Variants in CAPNS1 observed in about 807,000 individuals in gnomAD.
CAPNS1 encodes the protein calpain small subunit 1.
Under a neutral mutation model 39.2 loss-of-function variants are expected in CAPNS1, and 32 were observed. The observed-to-expected ratio is 0.82, with a 90% CI of 0.62 to 1.10. The LOEUF (loss-of-function observed/expected upper bound fraction) is 1.10. CAPNS1 is among the 50% of genes least tolerant of loss of function. CAPNS1 has a pLI of 0.00. For synonymous variants in CAPNS1, 153 were observed against 136.2 expected (o/e 1.12, Z -0.86); for missense variants, 353 against 373.1 (o/e 0.95, Z 0.44).
At chr19:36,146,990 A>G (rs1974591385) in intron 9 of CAPNS1, among the ~76,000 whole-genome samples, 1 of 152,094 alleles carries the variant, frequency 6.6e-6, no homozygotes, top group Admixed American at 6.5e-5. Flanking sequence ...GAGTACAGGC[A>G]CACACCGCCA....
At chr19:36,140,732 C>G (rs1309689209) in intron 1 of CAPNS1, 1 of 407,246 alleles carries the variant, frequency 2.5e-6, no homozygotes, top group Admixed American at 4.6e-5. Context: ...CAAGAGAACC[C>G]CCACCAGATC....
At position 36,140,989 on chromosome 19, in the gene CAPNS1, C is replaced by A. The variant is rs1488027799; in HGVS notation, c.-15-8C>A. 5 of 1,598,056 alleles carry A rather than the reference C, an allele frequency of 3.1e-6. No homozygotes were observed. Among genetic ancestry groups the A allele is most frequent in the Non-Finnish European group, 4.3e-6 (5 of 1,172,898 alleles). ...GAAGCACCCACTGGTCCCCTTTTTT[C>A]CCCCCAGCAGTGAGTCGCAGCCATG... On this transcript the variant is annotated splice_region_variant and splice_polypyrimidine_tract_variant and intron_variant, in intron 1 of 10. Transcript: ENST00000246533.
At chr19:36,141,251 C>A in intron 2 of CAPNS1, 31 bp downstream of exon 2, 1 of 1,506,732 alleles carries the variant, frequency 6.6e-7, no homozygotes, top group Non-Finnish European at 8.8e-7. Context: ...GGGGCGGGGC[C>A]TGGGAATGGG....
rs1286977890 is a variant in CAPNS1 at position 36,150,158 on chromosome 19, G to C, written c.*319G>C. 3.5e-6 allele frequency: 1 copy of C among 282,080 alleles called. No homozygotes were observed. Among genetic ancestry groups the C allele is most frequent in the South Asian group, 1.6e-4 (1 of 6,438 alleles). 17.5% of individuals were successfully genotyped at this position (282,080 alleles called of 1,614,324 possible). On this transcript the variant is annotated 3_prime_UTR_variant, in exon 11 of 11. Coordinates refer to ENST00000246533, the MANE Select transcript of CAPNS1 (RefSeq NM_001749.4). ...AGCCTAGCACTTGTGATGCCTCCAT[G>C]CCCCGAGGGCCCTCTCTCAGTTCTG...
rs201727609 is a variant in CAPNS1, at chr19:36,142,265, C to G, written c.210-35C>G. ...AGTGCTGCCCGTTGGAGGCCCCGCCCCTGGCACTAACCCCTCCCCCTTATC... is the reference window on the plus strand; with the variant it reads ...AGTGCTGCCCGTTGGAGGCCCCGCCGCTGGCACTAACCCCTCCCCCTTATC... On this transcript the variant is annotated intron_variant, in intron 2 of 10. Coordinates refer to ENST00000246533, the MANE Select transcript of CAPNS1 (RefSeq NM_001749.4). The G allele has an allele frequency of 3.3e-6, 5 of 1,534,412 alleles. No homozygotes were observed. The East Asian group carries it at 1.1e-4, about 35-fold the overall frequency.
At chr19:36,143,186 A>G in intron 6 of CAPNS1, 58 bp downstream of exon 6, 1 of 1,495,266 alleles carries the variant, frequency 6.7e-7, no homozygotes, top group Non-Finnish European at 9.3e-7. Flanking sequence ...TTTTGAGAGT[A>G]TGTTTGGGAA....
At chr19:36,143,201 A>C in intron 6 of CAPNS1, 73 bp downstream of exon 6, 1 of 1,308,112 alleles carries the variant, frequency 7.6e-7, no homozygotes, top group Non-Finnish European at 1.1e-6. Flanking sequence ...TGGGAAGCCA[A>C]CATGTAGCTT....
At chr19:36,145,913 C>T (rs1974546795) in intron 7 of CAPNS1, 39 bp downstream of exon 7, 4 of 1,612,740 alleles carry the variant, frequency 2.5e-6, no homozygotes, top group Non-Finnish European at 3.4e-6. Flanking sequence ...ACCCAGACCC[C>T]CAAGCCATGG....
At chr19:36,140,805 A>T in intron 1 of CAPNS1, 192 bp from the exon 2 acceptor site, 1 of 678,944 alleles carries the variant, frequency 1.5e-6, no homozygotes, top group Non-Finnish European at 2.3e-6. Flanking sequence ...GGTGCCTTTT[A>T]GACCTGAGGA....
At chr19:36,142,851 A>T in intron 4 of CAPNS1, 58 bp from the exon 5 acceptor site, 1 of 1,601,360 alleles carries the variant, frequency 6.2e-7, no homozygotes, top group Non-Finnish European at 8.6e-7. Flanking sequence ...CCCATTCTCC[A>T]TGACATTCTC....
Position 36,141,005 on chromosome 19 carries a change from C to G in CAPNS1, c.-7C>G. The G allele has an allele frequency of 6.3e-7, 1 of 1,591,306 alleles. No homozygotes were observed. Among genetic ancestry groups the G allele is most frequent in the South Asian group, 1.1e-5 (1 of 90,290 alleles). On this transcript the variant is annotated 5_prime_UTR_variant, in exon 2 of 11. Transcript: ENST00000246533. ...CCCTTTTTTCCCCCCAGCAGTGAGT[C>G]GCAGCCATGTTCCTGGTTAACTCGT...
chr19:36,143,542 C>T (rs895262474), intron 6 of CAPNS1, among the ~76,000 whole-genome samples: 4 of 152,034 alleles, frequency 2.6e-5, no homozygotes, highest in African/African-American at 9.7e-5. Context: ...GCCTGGCCAA[C>T]ATGGTGAAAC....
chr19:36,140,832 C>A, intron 1 of CAPNS1, 165 bp from the exon 2 acceptor site: 2 of 1,013,798 alleles, frequency 2.0e-6, no homozygotes, highest in Non-Finnish European at 2.8e-6. Flanking sequence ...AAACCTGATC[C>A]CCCATACCTG....
chr19:36,146,142 G>A, intron 8 of CAPNS1, 54 bp from the exon 9 acceptor site: 1 of 1,577,518 alleles, frequency 6.3e-7, no homozygotes, highest in Non-Finnish European at 8.7e-7. Flanking sequence ...TCCTGGGCAT[G>A]GGAGTGGGTT....
Position 36,141,062 on chromosome 19 carries a change from A to AGGCGGGGGCCTG in CAPNS1, c.54_65dup (p.Gly23_Gly26dup). On this transcript the variant is annotated inframe_insertion, in exon 2 of 11. Transcript: ENST00000246533. ...AGGGCGGCGGCGGCGGCGGCGGGGG[A>AGGCGGGGGCCTG]GGCGGGGGCCTGGGTGGGGGCCTGG... The AGGCGGGGGCCTG allele has an allele frequency of 1.4e-6, 1 of 715,404 alleles. No homozygotes were observed. Among genetic ancestry groups the AGGCGGGGGCCTG allele is most frequent in the South Asian group, 1.7e-5 (1 of 59,348 alleles). 44.3% of individuals were successfully genotyped at this position (715,404 alleles called of 1,614,324 possible).
intron 9 of CAPNS1, among the ~76,000 whole-genome samples, chr19:36,146,997 G>A (rs191470577): frequency 1.6e-4 from 25 of 152,118 alleles, no homozygotes; most frequent in East Asian, 9.6e-4. Context: ...GGCACACACC[G>A]CCATGCCTGG....
intron 6 of CAPNS1, 55 bp downstream of exon 6, chr19:36,143,183 A>G (rs1336448462): frequency 6.5e-7 from 1 of 1,532,854 alleles, no homozygotes; most frequent in Non-Finnish European, 9.0e-7. Context: ...GTTTTTTGAG[A>G]GTATGTTTGG....
At chr19:36,140,635 G>C (rs1437200608) in intron 1 of CAPNS1, 4 of 225,690 alleles carry the variant, frequency 1.8e-5, no homozygotes, top group Non-Finnish European at 3.4e-5. Flanking sequence ...ACCTGCCAAG[G>C]ACCTCTACAT....
chr19:36,141,245 C>A, intron 2 of CAPNS1, 25 bp downstream of exon 2: 1 of 1,508,604 alleles, frequency 6.6e-7, no homozygotes, highest in Non-Finnish European at 8.8e-7. Context: ...ATCAGAGGGG[C>A]GGGGCCTGGG....
Sources: gnomAD v4.1 joint callset for allele counts (sites outside exome capture counted in the v4.1 genomes callset) on GRCh38, gnomAD v4.1.1 for gene constraint, MANE v1.5 for transcripts, NCBI Gene and HGNC (gene_info 2026-07-23, HGNC 2026-07-21) for gene names.